Variants in CLCN7 observed in about 807,000 individuals in gnomAD.
CLCN7 encodes the protein Cl-/H+ antiporter 7, also known as H(+)/Cl(-) exchange transporter 7.
Under a neutral mutation model 102.1 loss-of-function variants are expected in CLCN7, and 60 were observed. That is an observed-to-expected ratio of 0.59 (90% confidence interval 0.48 to 0.73). The LOEUF is 0.73. Among genes scored for constraint, CLCN7 ranks in the 30% least tolerant of loss-of-function variants. The pLI is 0.00. For missense variants in CLCN7, 962 were observed against 1,125.7 expected (o/e 0.85, Z 2.08); for synonymous variants, 560 against 490.5 (o/e 1.14, Z -1.87).
intron 2 of CLCN7, among the ~76,000 whole-genome samples, chr16:1,463,695 G>A (rs1420960105): frequency 1.3e-5 from 2 of 151,788 alleles, no homozygotes; most frequent in East Asian, 3.9e-4. Context: ...TGTTGTCTAG[G>A]CTGATCTCCA....
rs373722285 is a variant in CLCN7 at position 1,455,848 on chromosome 16, C to T, written c.917-53G>A. ...CCAGCTGGACACAGGGCACCATGCC[C>T]ACCACCAACTCCCTCCCCCAGGCTC... On this transcript the variant is annotated intron_variant, in intron 10 of 24. Transcript: ENST00000382745. 7.7e-5 allele frequency: 121 copies of T among 1,580,128 alleles called. 1 individual carries two copies. The highest frequency in any genetic ancestry group is 6.5e-4 in the East Asian group (29 of 44,714).
rs964915035 is a variant in CLCN7 at position 1,446,590 on chromosome 16, G to A, written c.*41C>T. On this transcript the variant is annotated 3_prime_UTR_variant, in exon 25 of 25. Coordinates refer to ENST00000382745, the MANE Select transcript of CLCN7 (RefSeq NM_001287.6). ...CTCCGGGAGGAAATGCAGAAGGGCC[G>A]GGGTGCCAGCGCCAGTGCCCATTAT... The A allele has an allele frequency of 2.2e-5, 33 of 1,494,802 alleles. No individual in the cohort carries two copies. The highest frequency in any genetic ancestry group is 4.9e-5 in the East Asian group (2 of 40,652). 92.6% of individuals were successfully genotyped at this position (1,494,802 alleles called of 1,614,324 possible).
intron 13 of CLCN7, 127 bp from the exon 14 acceptor site, chr16:1,454,021 G>A (rs939500467): frequency 1.2e-6 from 1 of 839,398 alleles, no homozygotes; most frequent in Non-Finnish European, 2.0e-6. Context: ...GGGCTAGGGG[G>A]TCCTGGTAAG....
chr16:1,451,738 C>T (rs773789987), intron 15 of CLCN7, 22 bp from the exon 16 acceptor site: 1 of 1,603,090 alleles, frequency 6.2e-7, no homozygotes. Flanking sequence ...GGAGAGAGCA[C>T]ACGTTGGGAG....
chr16:1,449,714 G>C (rs1477904008), intron 17 of CLCN7: 2 of 288,182 alleles, frequency 6.9e-6, no homozygotes, highest in Non-Finnish European at 1.3e-5. Flanking sequence ...GCAGAAAGCG[G>C]GGCACGAGGG....
chr16:1,459,385 G>A (rs1331739010), intron 6 of CLCN7, 198 bp from the exon 7 acceptor site: 2 of 500,658 alleles, frequency 4.0e-6, no homozygotes, highest in African/African-American at 4.3e-5. Flanking sequence ...GAAGGGGAGA[G>A]CAGCGCACAC....
intron 17 of CLCN7, 109 bp from the exon 18 acceptor site, chr16:1,449,436 A>G: frequency 9.9e-7 from 1 of 1,015,210 alleles, no homozygotes; most frequent in Non-Finnish European, 1.5e-6. Context: ...ACAGCCAGGA[A>G]CAAACCTCGT....
At chr16:1,456,327 G>A in intron 9 of CLCN7, 121 bp from the exon 10 acceptor site, 1 of 750,932 alleles carries the variant, frequency 1.3e-6, no homozygotes, top group Non-Finnish European at 2.3e-6. Flanking sequence ...AACCGAGTCA[G>A]CAGCTCTGAT....
rs1485208873 is a variant in CLCN7 at position 1,447,691 on chromosome 16, G to T, written c.2037C>A (p.Ile679=). 4 of 1,556,794 alleles carry T rather than the reference G, an allele frequency of 2.6e-6. No homozygotes were observed. In the Admixed American group the frequency reaches 5.8e-5, roughly 22 times the overall value. The stretch of plus-strand genomic sequence containing the variant: ...GGAGAACGATGAGCTGGGAGCGCAG[G>T]ATCAGGCCCTGGAGCCGGGCAGGCT... The part of the protein sequence containing the change: ...DTQPARLQGL[I]LRSQLIVLLK... The change falls in exon 22 of 25, where the codon ATC becomes ATA. Residue 679 remains isoleucine (I), a synonymous_variant. Transcript: ENST00000382745.
intron 21 of CLCN7, 67 bp downstream of exon 21, chr16:1,448,288 G>T (rs1231019961): frequency 6.3e-7 from 1 of 1,596,294 alleles, no homozygotes; most frequent in Non-Finnish European, 8.6e-7. Context: ...ACCTTGCCGT[G>T]TGCTTCCCAC....
chr16:1,447,802 T>C, intron 21 of CLCN7, 88 bp from the exon 22 acceptor site: 1 of 1,420,492 alleles, frequency 7.0e-7, no homozygotes, highest in Non-Finnish European at 9.7e-7. Flanking sequence ...CTGACCCTGT[T>C]CCGGCCAGAT....
intron 23 of CLCN7, 31 bp downstream of exon 23, chr16:1,447,361 C>A: frequency 2.0e-6 from 3 of 1,534,844 alleles, no homozygotes; most frequent in Non-Finnish European, 2.6e-6. Context: ...CAGTCCCAGG[C>A]CCCACGCCCA....
Position 1,446,435 on chromosome 16 carries a change from G to A in CLCN7, c.*196C>T, listed in dbSNP as rs1394232208. 1.8e-5 allele frequency: 13 copies of A among 704,346 alleles called. No homozygotes were observed. Among genetic ancestry groups the A allele is most frequent in the Middle Eastern group, 2.3e-4 (1 of 4,400 alleles). The allele number at this position is 704,346 out of a possible 1,614,324, so 43.6% of individuals were successfully genotyped here. On this transcript the variant is annotated 3_prime_UTR_variant, in exon 25 of 25. Transcript: ENST00000382745. ...CCTGCGCAAGGAGGCGCCAAGGGGG[G>A]AGACCACTGCCCACAACAGGGTCAG...
chr16:1,455,261 G>C lies in CLCN7; in HGVS notation c.982-11C>G. 6.4e-7 allele frequency: 1 copy of C among 1,563,806 alleles called. No homozygotes were observed. Among genetic ancestry groups the C allele is most frequent in the Non-Finnish European group, 8.8e-7 (1 of 1,134,582 alleles). On this transcript the variant is annotated splice_polypyrimidine_tract_variant and intron_variant, in intron 11 of 24. Transcript: ENST00000382745. ...CATGGAAGCAAAGAACTGCGGCAGA[G>C]GGCAGGAAACCAGCGCCCTCAGAGC...
chr16:1,451,676 G>A lies in CLCN7; in HGVS notation c.1394C>T (p.Ala465Val). Residue 465 changes from alanine to valine, a missense_variant, in exon 16 of 25, where the codon GCC becomes GTC. By Grantham distance (64) the Ala-to-Val change is moderately conservative. Coordinates refer to ENST00000382745, the MANE Select transcript of CLCN7 (RefSeq NM_001287.6). ...ADGEYNSMAA[A>V]FFNTPEKSVV... ...GCTCTTCTCCGGGGTGTTGAAGAAG[G>A]CCGCAGCCATGGAGTTGTACTCGCC... The A allele has an allele frequency of 6.2e-7, 1 of 1,612,856 alleles. No individual in the cohort carries two copies.
At position 1,457,241 on chromosome 16, in the gene CLCN7, G is replaced by T; in HGVS notation, c.822+13C>A. ...TGGCATCTGGAGCCCACCCACACAA[G>T]ATTTCAACTCACCTTGAAATCTCGT... On this transcript the variant is annotated intron_variant, in intron 9 of 24. Transcript: ENST00000382745. The surrounding 1 kb of genome is among the most constrained non-coding windows in gnomAD (Gnocchi z 5.4). The T allele has an allele frequency of 1.1e-5, 18 of 1,613,206 alleles. No homozygotes were observed. The highest frequency in any genetic ancestry group is 1.4e-5 in the Non-Finnish European group (17 of 1,179,306).
At chr16:1,446,743 G>A (rs1567262890) in intron 24 of CLCN7, 26 bp from the exon 25 acceptor site, 1 of 1,549,504 alleles carries the variant, frequency 6.5e-7, no homozygotes. Flanking sequence ...AGGCCACAGT[G>A]ACACACGGGT....
chr16:1,470,848 C>T (rs768968746), intron 1 of CLCN7, among the ~76,000 whole-genome samples: 6 of 152,232 alleles, frequency 3.9e-5, no homozygotes, highest in Non-Finnish European at 8.8e-5. Context: ...ACCCAGACCC[C>T]TGCCCTGCCA....
rs949678454 is a variant in CLCN7, at chr16:1,446,159, GA to G, written c.*471del. 106 of 604,598 alleles carry G rather than the reference GA, an allele frequency of 1.8e-4. No individual in the cohort carries two copies. Among genetic ancestry groups the G allele is most frequent in the African/African-American group, 1.7e-3 (90 of 54,006 alleles). 37.5% of individuals were successfully genotyped at this position (604,598 alleles called of 1,614,324 possible). A position where few individuals can be genotyped will look rare whatever the true frequency, so the allele number is the denominator to read the frequency against. On this transcript the variant is annotated 3_prime_UTR_variant, in exon 25 of 25. Transcript: ENST00000382745. ...GACCACAGGCCGTCTGCTCATGGCT[GA>G]AAATGAGGCCAAGCAGCTCCCAAGT...
Sources: gnomAD v4.1 joint callset for allele counts (sites outside exome capture counted in the v4.1 genomes callset) on GRCh38, gnomAD v4.1.1 for gene constraint, Gnocchi (gnomAD v3.1) non-coding constraint, MANE v1.5 for transcripts, NCBI Gene and HGNC (gene_info 2026-07-23, HGNC 2026-07-21) for gene names.